RASA1: variants seen among roughly 807,000 people sequenced by gnomAD.
RASA1 encodes RAS p21 protein activator 1.
A neutral mutation model predicts 132.2 loss-of-function variants in RASA1; 25 were observed. The ratio of observed to expected loss-of-function variants is 0.19; its 90% CI spans 0.14 to 0.26. The LOEUF (loss-of-function observed/expected upper bound fraction) is 0.26. Among genes scored for constraint, RASA1 ranks in the 10% least tolerant of loss-of-function variants. The pLI, the probability that RASA1 is intolerant of heterozygous loss-of-function variation, is 1.00. For synonymous variants in RASA1, 477 were observed against 449.9 expected (o/e 1.06, Z -0.76); for missense variants, 964 against 1,299.2 (o/e 0.74, Z 3.97).
At chr5:87,351,524 T>G (rs1342775736) in intron 8 of RASA1, among the ~76,000 whole-genome samples, 1 of 151,722 alleles carries the variant, frequency 6.6e-6, no homozygotes, top group Non-Finnish European at 1.5e-5. Flanking sequence ...GCTAAATGCA[T>G]TACAAAAATT....
At chr5:87,275,103 CT>C (rs1199626266) in intron 1 of RASA1, among the ~76,000 whole-genome samples, 2 of 152,214 alleles carry the variant, frequency 1.3e-5, no homozygotes, top group African/African-American at 4.8e-5. Flanking sequence ...GAAGAGTAGA[CT>C]TTCTGGTTGC....
chr5:87,351,245 CTACTT>C (rs1759251073), intron 8 of RASA1, among the ~76,000 whole-genome samples: 1 of 150,628 alleles, frequency 6.6e-6, no homozygotes, highest in African/African-American at 2.4e-5. Context: ...ATCGACTTAT[CTACTT>C]TGTGAAATAT....
chr5:87,352,295 C>G (rs540695475), intron 8 of RASA1, among the ~76,000 whole-genome samples: 1 of 145,608 alleles, frequency 6.9e-6, no homozygotes, highest in Admixed American at 6.9e-5. Context: ...AGATAACATA[C>G]TTGAAGATAC....
intron 24 of RASA1, among the ~76,000 whole-genome samples, chr5:87,389,937 A>ATGTT (rs1351606267): frequency 6.6e-6 from 1 of 152,142 alleles, no homozygotes; most frequent in Non-Finnish European, 1.5e-5. Context: ...ATTATTTGGG[A>ATGTT]TGTTTGTCAA....
At position 87,268,524 on chromosome 5, in the gene RASA1, G is replaced by A. The variant is rs1753666743; in HGVS notation, c.73G>A (p.Ala25Thr). The A allele has an allele frequency of 4.4e-6, 7 of 1,585,324 alleles. No individual in the cohort carries two copies. The East Asian group carries it at 1.6e-4, about 36-fold the overall frequency. ...TAGAGGGGAA[A>T]GSSAYPAVCR... The stretch of plus-strand genomic sequence containing the variant: ...CGGAGCTGGAGGAGGCGGCGCGGCA[G>A]CGGGCTCCAGTGCCTATCCCGCAGT... Residue 25 changes from alanine (A) to threonine (T), a missense_variant, in exon 1 of 25, where the codon GCG becomes ACG. Around this residue, in one of 6 missense-constraint regions of RASA1, gnomAD observed 326 missense variants for 275.8 expected, o/e 1.18. Transcript: ENST00000274376.
intron 1 of RASA1, among the ~76,000 whole-genome samples, chr5:87,326,985 A>C (rs1757277162): frequency 6.6e-6 from 1 of 152,236 alleles, no homozygotes; most frequent in Non-Finnish European, 1.5e-5. Context: ...ATTTTGCAAC[A>C]GTCATAAAAT....
chr5:87,385,283 T>G lies in RASA1; in HGVS notation c.2759-18T>G, dbSNP rs371458251. 9.7e-5 allele frequency: 149 copies of G among 1,532,616 alleles called. No individual in the cohort carries two copies. The highest frequency in any genetic ancestry group is 1.2e-4 in the Non-Finnish European group (138 of 1,106,692). 94.9% of individuals were successfully genotyped at this position (1,532,616 alleles called of 1,614,324 possible). On this transcript the variant is annotated intron_variant, in intron 21 of 24. Coordinates refer to ENST00000274376, the MANE Select transcript of RASA1 (RefSeq NM_002890.3). ...CTGTTGGACTTGGTGTCATTAGCTG[T>G]GCCCAATTCTGTTACAGATTCTCCA...
intron 20 of RASA1, among the ~76,000 whole-genome samples, chr5:87,381,983 G>C (rs1417305834): frequency 2.0e-5 from 3 of 152,108 alleles, no homozygotes; most frequent in African/African-American, 7.2e-5. Flanking sequence ...ACAGGGTCTT[G>C]CTCTGTTGCC....
At chr5:87,299,055 T>C (rs1755241159) in intron 1 of RASA1, among the ~76,000 whole-genome samples, 1 of 152,236 alleles carries the variant, frequency 6.6e-6, no homozygotes, top group African/African-American at 2.4e-5. Context: ...CTGGGAGTTC[T>C]TTATATCCTA....
rs560599430 is a variant in RASA1, at chr5:87,359,494, T to G, written c.1333-3057T>G. The stretch of plus-strand genomic sequence containing the variant: ...GCTAGTCCCCACTTTAATATGATTT[T>G]TAAAAGATCTATATAGATTCCAAGA... On this transcript the variant is annotated intron_variant, in intron 9 of 24. Coordinates refer to ENST00000274376, the MANE Select transcript of RASA1 (RefSeq NM_002890.3). Among the ~76,000 whole-genome samples, 3 of 152,174 alleles carry G rather than the reference T, an allele frequency of 2.0e-5. No individual in the cohort carries two copies. In the South Asian group the frequency reaches 6.2e-4, roughly 32 times the overall value.
intron 1 of RASA1, among the ~76,000 whole-genome samples, chr5:87,314,775 G>A (rs1018516370): frequency 4.6e-5 from 7 of 152,088 alleles, no homozygotes; most frequent in African/African-American, 1.7e-4. Context: ...GTTGTTAGTT[G>A]AGATATCCAG....
chr5:87,269,288 G>T, intron 1 of RASA1: 1 of 1,536,432 alleles, frequency 6.5e-7, no homozygotes, highest in Non-Finnish European at 8.7e-7. Flanking sequence ...CCAAGTTGAG[G>T]TGGTGTCCCA....
intron 1 of RASA1, among the ~76,000 whole-genome samples, chr5:87,288,084 C>T (rs1438662136): frequency 1.4e-4 from 13 of 91,386 alleles, no homozygotes; most frequent in East Asian, 3.2e-4. Flanking sequence ...ACCATATATA[C>T]ACACACCATA....
intron 16 of RASA1, 98 bp from the exon 17 acceptor site, chr5:87,376,783 A>AAT (rs1429066077): frequency 2.3e-6 from 3 of 1,324,584 alleles, no homozygotes; most frequent in Non-Finnish European, 3.2e-6. Flanking sequence ...CATCATTTTA[A>AAT]ATATAAGAAC....
At chr5:87,365,012 A>G (rs987147736) in intron 11 of RASA1, among the ~76,000 whole-genome samples, 1 of 152,164 alleles carries the variant, frequency 6.6e-6, no homozygotes. Context: ...TCACTACTAA[A>G]TGTAGTTTAT....
At chr5:87,295,966 G>A (rs891466306) in intron 1 of RASA1, among the ~76,000 whole-genome samples, 2 of 151,888 alleles carry the variant, frequency 1.3e-5, no homozygotes, top group African/African-American at 2.4e-5. Context: ...ACAGGCGTGC[G>A]CCACCACGCC....
chr5:87,370,040 G>A (rs1354033203), intron 12 of RASA1, 140 bp downstream of exon 12: 4 of 781,650 alleles, frequency 5.1e-6, no homozygotes, highest in Non-Finnish European at 8.4e-6. Context: ...TAAGGAATGA[G>A]ATTTCATATG....
At chr5:87,370,062 C>A (rs1760817941) in intron 12 of RASA1, among the ~76,000 whole-genome samples, 162 bp downstream of exon 12, 1 of 152,038 alleles carries the variant, frequency 6.6e-6, no homozygotes, top group African/African-American at 2.4e-5. Flanking sequence ...AAAAAGTTTT[C>A]TGAAAGAAAT....
chr5:87,313,482 A>T (rs896185780), intron 1 of RASA1, among the ~76,000 whole-genome samples: 1 of 152,140 alleles, frequency 6.6e-6, no homozygotes, highest in African/African-American at 2.4e-5. Flanking sequence ...AGCGATTATG[A>T]CTTTTGAATT....
Sources: allele counts gnomAD v4.1 joint callset (sites outside exome capture counted in the v4.1 genomes callset), GRCh38; gene constraint gnomAD v4.1.1; regional missense constraint gnomAD v4.1.1; transcripts MANE v1.5; gene names NCBI Gene and HGNC (gene_info 2026-07-23, HGNC 2026-07-21).